BICD2: variants seen among roughly 807,000 people sequenced by gnomAD.
BICD2 encodes protein bicaudal D homolog 2.
Under a neutral mutation model 72.9 loss-of-function variants are expected in BICD2, and 25 were observed. The observed-to-expected ratio is 0.34, with a 90% CI of 0.25 to 0.48. BICD2 has a LOEUF of 0.48. Ranked by LOEUF, BICD2 falls within the 20% of genes least tolerant of loss-of-function variation. The pLI is 0.99. For synonymous variants in BICD2, 501 were observed against 516.1 expected (o/e 0.97, Z 0.40); for missense variants, 894 against 1,175.2 (o/e 0.76, Z 3.50).
intron 1 of BICD2, among the ~76,000 whole-genome samples, chr9:92,745,608 T>A (rs1008442280): frequency 5.9e-5 from 9 of 151,992 alleles, no homozygotes; most frequent in Non-Finnish European, 8.8e-5. Context: ...TGTTAACAGA[T>A]AAGCAAGAAG....
chr9:92,711,572 G>A lies in BICD2; in HGVS notation c.*3582C>T, dbSNP rs1853196275. ...GCATTTGATTATTATTTTTTTGTTT[G>A]GGTCTGTGTAAAGGTTCCTTGGCAG... On this transcript the variant is annotated 3_prime_UTR_variant, in exon 7 of 7. Coordinates refer to ENST00000356884, the MANE Select transcript of BICD2 (RefSeq NM_001003800.2). 6.6e-6 allele frequency: 1 copy of A among 152,080 alleles called. No homozygotes were observed. Among genetic ancestry groups the A allele is most frequent in the African/African-American group, 2.4e-5 (1 of 41,206 alleles). 9.4% of individuals were successfully genotyped at this position (152,080 alleles called of 1,614,324 possible). A position where few individuals can be genotyped will look rare whatever the true frequency, so the allele number is the denominator to read the frequency against.
intron 1 of BICD2, among the ~76,000 whole-genome samples, chr9:92,732,522 A>T (rs982781628): frequency 6.6e-6 from 1 of 152,232 alleles, no homozygotes; most frequent in Admixed American, 6.5e-5. Flanking sequence ...ACACCAAGGC[A>T]TAATATAAAA....
At chr9:92,752,263 G>A (rs1180835268) in intron 1 of BICD2, among the ~76,000 whole-genome samples, 6 of 151,904 alleles carry the variant, frequency 3.9e-5, no homozygotes, top group Non-Finnish European at 7.4e-5. Flanking sequence ...GTAAATAGCT[G>A]ATTCTAGGAC....
At position 92,720,969 on chromosome 9, in the gene BICD2, G is replaced by A. The variant is rs988848153; in HGVS notation, c.607-214C>T. On this transcript the variant is annotated intron_variant, in intron 3 of 6. Transcript: ENST00000356884. This position sits in a 1 kb window ranked among gnomAD's most constrained non-coding sequence, Gnocchi z 5.4. The stretch of plus-strand genomic sequence containing the variant: ...ATGTGGATGCTAAGAAGGTTCCAGG[G>A]CATGAGATGCGAATGCAATGAAATG... Among the ~76,000 whole-genome samples, 10 of 152,176 alleles carry A rather than the reference G, an allele frequency of 6.6e-5. No homozygotes were observed. The highest frequency in any genetic ancestry group is 2.2e-4 in the African/African-American group (9 of 41,428).
In BICD2 at chr9:92,720,248, C is replaced by T. The variant is rs2131501984; in HGVS notation, c.1062+52G>A. 3 of 1,525,152 alleles carry T rather than the reference C, an allele frequency of 2.0e-6. No individual in the cohort carries two copies. Among genetic ancestry groups the T allele is most frequent in the Non-Finnish European group, 2.7e-6 (3 of 1,129,174 alleles). The allele number at this position is 1,525,152 out of a possible 1,614,324, so 94.5% of individuals were successfully genotyped here. On this transcript the variant is annotated intron_variant, in intron 4 of 6. Transcript: ENST00000356884. This position sits in a 1 kb window ranked among gnomAD's most constrained non-coding sequence, Gnocchi z 5.4. ...GTCAGGTAAGCACTGCTCGGGGAGC[C>T]CTGCAGACCTGGAGTGGGGACAGCG...
At chr9:92,731,633 T>C (rs1242997579) in intron 1 of BICD2, among the ~76,000 whole-genome samples, 3 of 149,714 alleles carry the variant, frequency 2.0e-5, no homozygotes, top group African/African-American at 7.4e-5. Context: ...CATGGAAAAA[T>C]GGGAGACTGA....
intron 1 of BICD2, among the ~76,000 whole-genome samples, chr9:92,749,247 T>C (rs956799063): frequency 6.6e-6 from 1 of 152,184 alleles, no homozygotes; most frequent in African/African-American, 2.4e-5. Flanking sequence ...TGCCAGCCTA[T>C]ATCTATCAAG....
rs950657224 is a variant in BICD2, at chr9:92,715,388, C to T, written c.2334G>A (p.Leu778=). The change falls in exon 7 of 7, where the codon CTG becomes CTA. Residue 778 remains leucine (L), a synonymous_variant. Coordinates refer to ENST00000356884, the MANE Select transcript of BICD2 (RefSeq NM_001003800.2). ...LAAAEDEKKT[L]NSLLRMAIQQ... ...GGATGGCCATGCGCAGCAGCGAGTT[C>T]AGCGTCTTCTTCTCGTCCTCAGCAG... The T allele has an allele frequency of 1.2e-5, 19 of 1,610,994 alleles. No homozygotes were observed. The highest frequency in any genetic ancestry group is 3.3e-4 in the Middle Eastern group (2 of 6,076).
At chr9:92,734,495 T>C (rs775456299) in intron 1 of BICD2, among the ~76,000 whole-genome samples, 14 of 132,368 alleles carry the variant, frequency 1.1e-4, no homozygotes, top group East Asian at 2.1e-4. Flanking sequence ...GCCTGGGTGA[T>C]AGAGCTAGAC....
At chr9:92,719,839 T>C (rs370791409) in intron 4 of BICD2, among the ~76,000 whole-genome samples, 1 of 152,218 alleles carries the variant, frequency 6.6e-6, no homozygotes, top group Admixed American at 6.5e-5. Flanking sequence ...TCCCCAACCA[T>C]GCTACAGGGG....
intron 5 of BICD2, 22 bp downstream of exon 5, chr9:92,718,516 GC>G (rs762685312): frequency 1.3e-6 from 2 of 1,589,918 alleles, no homozygotes; most frequent in Admixed American, 3.4e-5. Context: ...GGTGACATGT[GC>G]CCCTGCTGCC....
Position 92,717,358 on chromosome 9 carries a change from G to A in BICD2, c.2258+439C>T, listed in dbSNP as rs541468378. On this transcript the variant is annotated intron_variant, in intron 6 of 6. Coordinates refer to ENST00000356884, the MANE Select transcript of BICD2 (RefSeq NM_001003800.2). Reference sequence around the variant, plus strand: ...TGGGCCTGCTGCGGTTTCATTCACAGCAAAATGGAACCGGCGCCACAGAAC... The same window carrying A: ...TGGGCCTGCTGCGGTTTCATTCACAACAAAATGGAACCGGCGCCACAGAAC... 3.3e-5 allele frequency among the ~76,000 whole-genome samples: 5 copies of A among 152,360 alleles called. No homozygotes were observed. In the South Asian group the frequency reaches 1.0e-3, roughly 32 times the overall value.
intron 1 of BICD2, among the ~76,000 whole-genome samples, chr9:92,760,609 A>T (rs550232318): frequency 6.6e-6 from 1 of 152,244 alleles, no homozygotes; most frequent in Admixed American, 6.5e-5. Flanking sequence ...CGGGGAGAGA[A>T]TTGCCCAACA....
At position 92,720,260 on chromosome 9, in the gene BICD2, G is replaced by C. The variant is rs771797323; in HGVS notation, c.1062+40C>G. 6.4e-7 allele frequency: 1 copy of C among 1,566,174 alleles called. No homozygotes were observed. The highest frequency in any genetic ancestry group is 8.7e-7 in the Non-Finnish European group (1 of 1,154,248). On this transcript the variant is annotated intron_variant, in intron 4 of 6. Coordinates refer to ENST00000356884, the MANE Select transcript of BICD2 (RefSeq NM_001003800.2). The surrounding 1 kb of genome is among the most constrained non-coding windows in gnomAD (Gnocchi z 5.4). ...CTGCTCGGGGAGCCCTGCAGACCTG[G>C]AGTGGGGACAGCGTGCCGAAGGCCC...
intron 1 of BICD2, among the ~76,000 whole-genome samples, chr9:92,742,896 C>A (rs780878418): frequency 6.6e-6 from 1 of 152,212 alleles, no homozygotes; most frequent in African/African-American, 2.4e-5. Flanking sequence ...GAATTCCCTT[C>A]CCTTTCATGG....
chr9:92,745,200 T>C (rs1853985015), intron 1 of BICD2, among the ~76,000 whole-genome samples: 1 of 152,096 alleles, frequency 6.6e-6, no homozygotes, highest in Admixed American at 6.5e-5. Context: ...ACAGCCTTGC[T>C]AGCAATTCAG....
At chr9:92,743,085 T>C (rs997186307) in intron 1 of BICD2, among the ~76,000 whole-genome samples, 2 of 152,246 alleles carry the variant, frequency 1.3e-5, no homozygotes, top group African/African-American at 4.8e-5. Flanking sequence ...ATTTTATATG[T>C]TCCCACTTGC....
chr9:92,764,640 C>A lies in BICD2; in HGVS notation c.105G>T (p.Glu35Asp). ...CCGCCTGGATCTTCTCACGCGTGGT[C>A]TCGGCCAGCTCGTGGGACAGCCGCT... ...EVKRLSHELA[E>D]TTREKIQAAE... The change falls in exon 1 of 7, where the codon GAG becomes GAT. Residue 35 changes from glutamate to aspartate, a missense_variant. By Grantham distance (45) the Glu-to-Asp change is conservative (BLOSUM62 2). Coordinates refer to ENST00000356884, the MANE Select transcript of BICD2 (RefSeq NM_001003800.2). This position sits in a 1 kb window ranked among gnomAD's most constrained non-coding sequence, Gnocchi z 5.5. The A allele has an allele frequency of 1.3e-6, 2 of 1,593,056 alleles. No homozygotes were observed. The highest frequency in any genetic ancestry group is 1.1e-5 in the South Asian group (1 of 87,598).
chr9:92,755,163 A>G (rs997403267), intron 1 of BICD2, among the ~76,000 whole-genome samples: 3 of 152,190 alleles, frequency 2.0e-5, no homozygotes, highest in Non-Finnish European at 2.9e-5. Context: ...TATGGTCGAG[A>G]TTGCAGAGGT....
Sources: allele counts gnomAD v4.1 joint callset (sites outside exome capture counted in the v4.1 genomes callset), GRCh38; gene constraint gnomAD v4.1.1; non-coding constraint Gnocchi (gnomAD v3.1); transcripts MANE v1.5; gene names NCBI Gene and HGNC (gene_info 2026-07-23, HGNC 2026-07-21).